GPC6: variants seen among roughly 807,000 people sequenced by gnomAD.
The protein encoded by GPC6 is glypican-6.
A neutral mutation model predicts 55.2 loss-of-function variants in GPC6; 14 were observed. The observed-to-expected ratio is 0.25, with a 90% CI of 0.17 to 0.40. The LOEUF (loss-of-function observed/expected upper bound fraction) is 0.40, where lower values mean the gene tolerates loss of function less well. Among genes scored for constraint, GPC6 ranks in the 10% least tolerant of loss-of-function variants. The probability of loss-of-function intolerance (pLI) is 1.00; values close to 1 mark genes in which losing one functional copy is unlikely to be tolerated. For missense variants in GPC6, 641 were observed against 708.5 expected, an observed-to-expected ratio of 0.90 and a Z score of 1.08; for synonymous variants, 278 against 259.6, an observed-to-expected ratio of 1.07 and a Z score of -0.68.
chr13:94,382,473 C>T lies in GPC6; in HGVS notation c.1212C>T (p.Tyr404=). ...AAAAGGTCTGGTCAGCATTACCCTA[C>T]ACTATCTGCAAGGACGAGAGCGTGA... ...LSKKVWSALP[Y]TICKDESVTA... is the part of the protein sequence containing the mutation. The change falls in exon 7 of 9, where the codon TAC becomes TAT. Residue 404 remains tyrosine (Y), a synonymous_variant. Transcript: ENST00000377047. The T allele has an allele frequency of 6.2e-7, 1 of 1,614,018 alleles. No individual in the cohort carries two copies. Among genetic ancestry groups the T allele is most frequent in the Non-Finnish European group, 8.5e-7 (1 of 1,179,904 alleles).
intron 1 of GPC6, among the ~76,000 whole-genome samples, chr13:93,347,528 G>A (rs1880472204): frequency 6.6e-6 from 1 of 152,082 alleles, no homozygotes; most frequent in Admixed American, 6.6e-5. Context: ...GGCATGAGAA[G>A]CAATCTCCCC....
intron 3 of GPC6, among the ~76,000 whole-genome samples, chr13:93,867,120 A>C (rs1888988496): frequency 6.6e-6 from 1 of 151,672 alleles, no homozygotes. Context: ...GCTATTTCCA[A>C]AAATTTCATT....
chr13:94,013,333 T>C (rs1250611995), intron 3 of GPC6, among the ~76,000 whole-genome samples: 2 of 152,020 alleles, frequency 1.3e-5, no homozygotes, highest in African/African-American at 4.8e-5. Context: ...GTTTTATTTA[T>C]GTGTTTTTGT....
intron 1 of GPC6, among the ~76,000 whole-genome samples, chr13:93,393,123 T>TAGAGAGAG (rs1213506339): frequency 8.5e-5 from 8 of 94,660 alleles, no homozygotes; most frequent in East Asian, 2.7e-4. Flanking sequence ...TATATATATA[T>TAGAGAGAG]ATATAGAGAG....
chr13:93,340,901 C>G (rs1312483583), intron 1 of GPC6, among the ~76,000 whole-genome samples: 1 of 152,132 alleles, frequency 6.6e-6, no homozygotes, highest in African/African-American at 2.4e-5. Context: ...GTACTATATA[C>G]TGTACCCGAT....
At chr13:93,768,724 T>A (rs1172601465) in intron 2 of GPC6, among the ~76,000 whole-genome samples, 1 of 152,180 alleles carries the variant, frequency 6.6e-6, no homozygotes, top group Admixed American at 6.5e-5. Flanking sequence ...GGAATTTTTT[T>A]AAAGATAAAT....
intron 1 of GPC6, among the ~76,000 whole-genome samples, chr13:93,369,886 A>C (rs1239745765): frequency 6.6e-6 from 1 of 152,242 alleles, no homozygotes; most frequent in Non-Finnish European, 1.5e-5. Flanking sequence ...TCAAATCATC[A>C]GTTTTTTCCA....
chr13:93,455,328 T>TGCCA (rs1243306346), intron 1 of GPC6, among the ~76,000 whole-genome samples: 3 of 152,150 alleles, frequency 2.0e-5, no homozygotes, highest in Non-Finnish European at 4.4e-5. Flanking sequence ...CTGTGAGGAC[T>TGCCA]GCCAGCACGC....
chr13:93,328,547 C>T (rs1294183059), intron 1 of GPC6, among the ~76,000 whole-genome samples: 1 of 151,864 alleles, frequency 6.6e-6, no homozygotes, highest in Non-Finnish European at 1.5e-5. Context: ...TGGTGGCATA[C>T]ACCTGTAGTT....
intron 2 of GPC6, among the ~76,000 whole-genome samples, chr13:93,811,023 A>C (rs1286583663): frequency 6.6e-6 from 1 of 152,192 alleles, no homozygotes. Flanking sequence ...TGAAGTCAAC[A>C]ATTGTGTAGC....
chr13:94,034,247 A>AGGAAGGAAGGAAGGAAGGAG (rs141372123), intron 4 of GPC6, among the ~76,000 whole-genome samples: 4,268 of 146,910 alleles, frequency 0.029, 159 homozygotes, highest in Middle Eastern at 0.053. Flanking sequence ...GAAGGAAGGA[A>AGGAAGGAAGGAAGGAAGGAG]GGAAAGAAAG....
intron 6 of GPC6, among the ~76,000 whole-genome samples, chr13:94,380,885 T>G (rs1318569474): frequency 2.0e-5 from 3 of 152,200 alleles, no homozygotes; most frequent in African/African-American, 7.2e-5. Flanking sequence ...CTCTTCAGCT[T>G]TTTCTTGTCT....
Position 93,693,586 on chromosome 13 carries a change from C to T in GPC6, c.320-136568C>T, listed in dbSNP as rs563686709. ...CTCTGTCTCCTGGGCGCAAGCAATC[C>T]TCCCACCTCAGCCTCCTGAGCAGCT... is the stretch of plus-strand genomic sequence containing the variant. On this transcript the variant is annotated intron_variant, in intron 2 of 8. Coordinates refer to ENST00000377047, the MANE Select transcript of GPC6 (RefSeq NM_005708.5). 8.7e-4 allele frequency among the ~76,000 whole-genome samples: 133 copies of T among 152,066 alleles called. 1 individual carries two copies. The highest frequency in any genetic ancestry group is 3.1e-3 in the African/African-American group (128 of 41,480).
At chr13:93,393,944 A>T (rs1437076885) in intron 1 of GPC6, among the ~76,000 whole-genome samples, 1 of 152,150 alleles carries the variant, frequency 6.6e-6, no homozygotes, top group African/African-American at 2.4e-5. Flanking sequence ...GCAGAGACTC[A>T]GTAAACTTTG....
At chr13:93,593,490 G>A (rs1315220264) in intron 2 of GPC6, among the ~76,000 whole-genome samples, 2 of 152,062 alleles carry the variant, frequency 1.3e-5, no homozygotes, top group African/African-American at 4.8e-5. Flanking sequence ...TACTGTAATT[G>A]AAGGAAAAGA....
intron 1 of GPC6, among the ~76,000 whole-genome samples, chr13:93,377,507 G>T (rs1874959297): frequency 6.6e-6 from 1 of 152,184 alleles, no homozygotes; most frequent in Non-Finnish European, 1.5e-5. Flanking sequence ...TAAAGGTTCA[G>T]GGTGGAAAGG....
chr13:93,994,471 A>G (rs1881449144), intron 3 of GPC6, among the ~76,000 whole-genome samples: 2 of 152,148 alleles, frequency 1.3e-5, no homozygotes, highest in East Asian at 1.9e-4. Flanking sequence ...CTAATAGTTC[A>G]ATTCCCATTT....
intron 1 of GPC6, among the ~76,000 whole-genome samples, chr13:93,529,328 C>G (rs1020593828): frequency 1.3e-5 from 2 of 151,862 alleles, no homozygotes; most frequent in Non-Finnish European, 2.9e-5. Flanking sequence ...CTAACACTTG[C>G]TAAGAAATCA....
intron 8 of GPC6, 41 bp from the exon 9 acceptor site, chr13:94,402,974 T>G (rs373225928): frequency 1.4e-6 from 2 of 1,383,468 alleles, no homozygotes; most frequent in East Asian, 2.3e-5. Context: ...AGCCTAAACA[T>G]ATCAGTGGTC....
Sources: gnomAD v4.1 joint callset for allele counts (sites outside exome capture counted in the v4.1 genomes callset) on GRCh38, gnomAD v4.1.1 for gene constraint, MANE v1.5 for transcripts, NCBI Gene and HGNC (gene_info 2026-07-23, HGNC 2026-07-21) for gene names.